Variants in KDM5B observed in about 807,000 individuals in gnomAD.
The protein encoded by KDM5B is lysine-specific demethylase 5B.
In KDM5B, 144 loss-of-function variants were observed where a neutral mutation model predicts 193.4. The ratio of observed to expected loss-of-function variants is 0.74; its 90% CI spans 0.65 to 0.86. The LOEUF is 0.86. KDM5B is among the 40% of genes least tolerant of loss of function. KDM5B has a pLI of 0.00. For synonymous variants in KDM5B, 668 were observed against 682.6 expected, an observed-to-expected ratio of 0.98 and a Z score of 0.33; for missense variants, 1,833 against 1,886.9, an observed-to-expected ratio of 0.97 and a Z score of 0.53.
chr1:202,764,344 A>T (rs1288186526), intron 5 of KDM5B, among the ~76,000 whole-genome samples, 199 bp from the exon 6 acceptor site: 1 of 152,162 alleles, frequency 6.6e-6, no homozygotes, highest in African/African-American at 2.4e-5. Flanking sequence ...ATTTAAAAAT[A>T]GGGAAAAGTT....
At chr1:202,740,123 TCCCG>T (rs1655255860) in intron 20 of KDM5B, among the ~76,000 whole-genome samples, 1 of 92,826 alleles carries the variant, frequency 1.1e-5, no homozygotes, top group African/African-American at 4.0e-5. Flanking sequence ...CCCACCTCCC[TCCCG>T]GACGGGGCGG....
chr1:202,745,916 G>A lies in KDM5B; in HGVS notation c.2265C>T (p.Tyr755=), dbSNP rs746837045. 1 of 1,613,930 alleles carries A rather than the reference G, an allele frequency of 6.2e-7. No homozygotes were observed. ...MNALKLRAES[Y]NEWALNVNEA... ...CATTCACATTCAAGGCCCATTCGTT[G>A]TAAGATTCTGCTCGAAGCTTCAATG... The change falls in exon 16 of 27, where the codon TAC becomes TAT. Residue 755 remains tyrosine (Y), a synonymous_variant. Transcript: ENST00000367265.
chr1:202,801,328 T>A (rs1354221953), intron 1 of KDM5B, among the ~76,000 whole-genome samples: 1 of 151,884 alleles, frequency 6.6e-6, no homozygotes, highest in African/African-American at 2.4e-5. Context: ...TAAAGATATA[T>A]GCTGATGGTG....
chr1:202,774,828 C>T, intron 2 of KDM5B, 93 bp from the exon 3 acceptor site: 5 of 1,236,584 alleles, frequency 4.0e-6, no homozygotes, highest in South Asian at 1.4e-5. Context: ...TATTTAAGTA[C>T]AATACCACTT....
At chr1:202,805,938 AC>A (rs1332828251) in intron 1 of KDM5B, among the ~76,000 whole-genome samples, 2 of 152,230 alleles carry the variant, frequency 1.3e-5, no homozygotes, top group African/African-American at 4.8e-5. Context: ...CAAACAGAGT[AC>A]TGGTTGTATT....
intron 1 of KDM5B, among the ~76,000 whole-genome samples, chr1:202,788,110 C>T (rs1657486625): frequency 1.3e-5 from 2 of 152,160 alleles, no homozygotes; most frequent in Admixed American, 1.3e-4. Flanking sequence ...AAACACAGCC[C>T]TTTCAAGTGT....
In KDM5B at chr1:202,733,514, C is replaced by T; in HGVS notation, c.3796G>A (p.Ala1266Thr). 1 of 1,614,152 alleles carries T rather than the reference C, an allele frequency of 6.2e-7. No individual in the cohort carries two copies. The highest frequency in any genetic ancestry group is 8.5e-7 in the Non-Finnish European group (1 of 1,180,016). The change falls in exon 23 of 27, where the codon GCC becomes ACC. Residue 1266 changes from alanine to threonine, a missense_variant. Coordinates refer to ENST00000367265, the MANE Select transcript of KDM5B (RefSeq NM_006618.5). Reference sequence around the variant, plus strand: ...TTCCCTGACGAAAGCAGTTGCTGGGCTCTGTGCTGCCAGTTCACGGTTCTT... The same window carrying T: ...TTCCCTGACGAAAGCAGTTGCTGGGTTCTGTGCTGCCAGTTCACGGTTCTT... ...IERTVNWQHR[A>T]QQLLSSGNLK...
chr1:202,745,855 T>C lies in KDM5B; in HGVS notation c.2323+3A>G, dbSNP rs375350093. 1.2e-6 allele frequency: 2 copies of C among 1,613,804 alleles called. No individual in the cohort carries two copies. The highest frequency in any genetic ancestry group is 1.7e-6 in the Non-Finnish European group (2 of 1,179,856). On this transcript the variant is annotated splice_donor_region_variant and intron_variant, in intron 16 of 26. Coordinates refer to ENST00000367265, the MANE Select transcript of KDM5B (RefSeq NM_006618.5). ...TCACCAAGTCACTTTCTGTATCACA[T>C]ACTTTTCTTCTTGTTGATCTTTGCC...
At chr1:202,800,239 T>C (rs1438148205) in intron 1 of KDM5B, among the ~76,000 whole-genome samples, 1 of 152,124 alleles carries the variant, frequency 6.6e-6, no homozygotes, top group Non-Finnish European at 1.5e-5. Flanking sequence ...AGACAGGGTT[T>C]CACCATGTTG....
intron 7 of KDM5B, among the ~76,000 whole-genome samples, chr1:202,761,028 G>A (rs2885898): frequency 0.68 from 100,218 of 147,782 alleles, 36,068 homozygotes; most frequent in Admixed American, 0.82. Context: ...TGTCTCAGGA[G>A]AAAAAAAAAA....
At chr1:202,776,521 A>C (rs1286643679) in intron 2 of KDM5B, among the ~76,000 whole-genome samples, 1 of 152,048 alleles carries the variant, frequency 6.6e-6, no homozygotes, top group East Asian at 1.9e-4. Flanking sequence ...TACAACAAAA[A>C]CACAATTCTG....
intron 20 of KDM5B, among the ~76,000 whole-genome samples, chr1:202,739,227 A>T (rs537011514): frequency 6.6e-6 from 1 of 152,212 alleles, no homozygotes; most frequent in African/African-American, 2.4e-5. Flanking sequence ...TCTGCAGTCA[A>T]GTACTCAAGT....
chr1:202,804,315 T>A (rs927893907), intron 1 of KDM5B, among the ~76,000 whole-genome samples: 2 of 152,150 alleles, frequency 1.3e-5, no homozygotes, highest in Non-Finnish European at 2.9e-5. Context: ...CTGATAAGCC[T>A]CTTCTCTAAA....
chr1:202,764,311 T>C (rs1656362101), intron 5 of KDM5B, among the ~76,000 whole-genome samples, 166 bp from the exon 6 acceptor site: 1 of 152,124 alleles, frequency 6.6e-6, no homozygotes, highest in South Asian at 2.1e-4. Flanking sequence ...CCTTTGAAAC[T>C]ACTATTAAAG....
rs1406690981 is a variant in KDM5B at position 202,808,178 on chromosome 1, G to A, written c.128C>T (p.Ala43Val). ...CTTGTGGATGAAAGCGAAGGGGTCCGCGAACTCTTCCCAGCTGGGTTCGAA... is the reference window on the plus strand; with the variant it reads ...CTTGTGGATGAAAGCGAAGGGGTCCACGAACTCTTCCCAGCTGGGTTCGAA... ...PVFEPSWEEF[A>V]DPFAFIHKIR... The change falls in exon 1 of 27, where the codon GCG becomes GTG. Residue 43 changes from alanine (A) to valine (V), a missense_variant. Transcript: ENST00000367265. 1 of 1,613,170 alleles carries A rather than the reference G, an allele frequency of 6.2e-7. No homozygotes were observed. The highest frequency in any genetic ancestry group is 1.7e-5 in the Admixed American group (1 of 60,008).
intron 10 of KDM5B, 123 bp from the exon 11 acceptor site, chr1:202,755,575 T>C: frequency 1.3e-6 from 1 of 753,882 alleles, no homozygotes; most frequent in Non-Finnish European, 2.1e-6. Context: ...GGGGCCACCA[T>C]GCTGACCTTC....
chr1:202,804,837 C>G (rs1045096739), intron 1 of KDM5B, among the ~76,000 whole-genome samples: 2 of 143,376 alleles, frequency 1.4e-5, no homozygotes, highest in Non-Finnish European at 3.0e-5. Context: ...GCACTCCAGG[C>G]CTGGGCAACA....
chr1:202,753,664 G>GTT (rs771281999), intron 11 of KDM5B, among the ~76,000 whole-genome samples: 1,386 of 105,592 alleles, frequency 0.013, 42 homozygotes, highest in Non-Finnish European at 0.017. Flanking sequence ...TGTTGTTGTT[G>GTT]TTTTTTTTTT....
rs777783265 is a variant in KDM5B, at chr1:202,731,007, G to A, written c.4078C>T (p.Leu1360Phe). Residue 1360 changes from leucine to phenylalanine, a missense_variant, in exon 25 of 27, where the codon CTT becomes TTT. Physicochemically the swap from Leu to Phe is conservative, Grantham distance 22 (BLOSUM62 0). This residue lies in a region of KDM5B where 1,379 missense variants were observed against 1,349.6 expected (regional missense o/e 1.02). Transcript: ENST00000367265. ...TGGTAAAGTTCCTGAATTTCAGGAA[G>A]GGATACCTGGAGCAGCTGGGCTTCC... ...LMEAQLLQVS[L>F]PEIQELYQTL... 1.9e-6 allele frequency: 3 copies of A among 1,613,600 alleles called. No homozygotes were observed. The highest frequency in any genetic ancestry group is 1.1e-5 in the South Asian group (1 of 91,050).
Sources: gnomAD v4.1 joint callset for allele counts (sites outside exome capture counted in the v4.1 genomes callset) on GRCh38, gnomAD v4.1.1 for gene constraint, gnomAD v4.1.1 regional missense constraint, MANE v1.5 for transcripts, NCBI Gene and HGNC (gene_info 2026-07-23, HGNC 2026-07-21) for gene names.